Variants in LMAN2L observed in about 807,000 individuals in gnomAD.
LMAN2L encodes the protein lectin, mannose binding 2 like.
In LMAN2L, 30 loss-of-function variants were observed where a neutral mutation model predicts 44.3. That is an observed-to-expected ratio of 0.68 (90% CI 0.51 to 0.92). LMAN2L has a LOEUF of 0.92. Among genes scored for constraint, LMAN2L ranks in the 40% least tolerant of loss-of-function variants. The pLI is 0.00. For missense variants in LMAN2L, 429 were observed against 446.1 expected (o/e 0.96, Z 0.35); for synonymous variants, 183 against 171.1 (o/e 1.07, Z -0.54).
Position 96,734,487 on chromosome 2 carries a change from T to G in LMAN2L, c.346A>C (p.Lys116Gln). ...TTCTTCTTTCCTTGTCCATGGATTT[T>G]GAAGTGCACCTGCAACTCCCAGTCT... Reference protein sequence around the residue: ...LRDWELQVHFKIHGQGKKNLH... With the variant: ...LRDWELQVHFQIHGQGKKNLH... The change falls in exon 3 of 8, where the codon AAA becomes CAA. Residue 116 changes from lysine to glutamine, a missense_variant. Coordinates refer to ENST00000264963, the MANE Select transcript of LMAN2L (RefSeq NM_030805.4). The G allele has an allele frequency of 6.2e-7, 1 of 1,613,704 alleles. No individual in the cohort carries two copies. Among genetic ancestry groups the G allele is most frequent in the East Asian group, 2.2e-5 (1 of 44,878 alleles).
intron 2 of LMAN2L, chr2:96,737,149 T>C: frequency 2.2e-6 from 1 of 456,380 alleles, no homozygotes; most frequent in South Asian, 1.6e-5. Flanking sequence ...TTGTACAAAA[T>C]CACAGTGCAG....
At chr2:96,720,667 G>A (rs1410941987) in intron 4 of LMAN2L, among the ~76,000 whole-genome samples, 3 of 152,082 alleles carry the variant, frequency 2.0e-5, no homozygotes, top group Admixed American at 6.5e-5. Flanking sequence ...ACAGCCAGGC[G>A]CGGTGACTCA....
In LMAN2L at chr2:96,733,521, C is replaced by G. The variant is rs775556162; in HGVS notation, c.505G>C (p.Glu169Gln). 24 of 1,613,140 alleles carry G rather than the reference C, an allele frequency of 1.5e-5. No individual in the cohort carries two copies. Among genetic ancestry groups the G allele is most frequent in the Non-Finnish European group, 2.0e-5 (23 of 1,179,282 alleles). ...DTYPNEEKQQ[E>Q]RVFPYISAMV... is the part of the protein sequence containing the mutation. ...TAGGCTCTGACACTTGCCATTACCT[C>G]TTGCTGCTTCTCCTCATTGGGGTAG... Residue 169 changes from glutamate (E) to glutamine (Q), a missense_variant and splice_region_variant, in exon 4 of 8, where the codon GAG becomes CAG. Glu to Gln is a conservative substitution (Grantham distance 29, BLOSUM62 2). Transcript: ENST00000264963.
At chr2:96,725,968 C>A (rs1207183179) in intron 4 of LMAN2L, among the ~76,000 whole-genome samples, 2 of 151,598 alleles carry the variant, frequency 1.3e-5, no homozygotes, top group Non-Finnish European at 2.9e-5. Flanking sequence ...CCCATCTCTA[C>A]TAAAAATACA....
chr2:96,729,288 T>C (rs1574022560), intron 4 of LMAN2L, among the ~76,000 whole-genome samples: 1 of 152,024 alleles, frequency 6.6e-6, no homozygotes, highest in African/African-American at 2.4e-5. Flanking sequence ...TAGAACATCA[T>C]AGATAAAAGC....
At chr2:96,732,461 T>C (rs943578764) in intron 4 of LMAN2L, among the ~76,000 whole-genome samples, 1 of 151,650 alleles carries the variant, frequency 6.6e-6, no homozygotes, top group South Asian at 2.1e-4. Context: ...CTGACCAACA[T>C]GGTGAAACCC....
At chr2:96,716,486 TG>T (rs1027184973) in intron 4 of LMAN2L, among the ~76,000 whole-genome samples, 1 of 152,356 alleles carries the variant, frequency 6.6e-6, no homozygotes, top group African/African-American at 2.4e-5. Context: ...CATTTGCTTT[TG>T]GGAACCCAGA....
At chr2:96,732,545 G>A (rs913686294) in intron 4 of LMAN2L, among the ~76,000 whole-genome samples, 1 of 151,636 alleles carries the variant, frequency 6.6e-6, no homozygotes, top group Admixed American at 6.6e-5. Context: ...GCGGGAGGCT[G>A]AGGCAGAAGA....
At chr2:96,739,025 G>A (rs1175170653) in intron 1 of LMAN2L, among the ~76,000 whole-genome samples, 1 of 152,200 alleles carries the variant, frequency 6.6e-6, no homozygotes, top group African/African-American at 2.4e-5. Context: ...ACAGGCGTGA[G>A]CCACCGCCCC....
intron 4 of LMAN2L, among the ~76,000 whole-genome samples, chr2:96,730,508 C>T (rs2078369651): frequency 6.6e-6 from 1 of 152,102 alleles, no homozygotes; most frequent in Admixed American, 6.6e-5. Flanking sequence ...GCCAGTCAGT[C>T]TCAGCGGCTA....
chr2:96,707,521 C>G, intron 7 of LMAN2L, 123 bp from the exon 8 acceptor site: 2 of 1,278,782 alleles, frequency 1.6e-6, no homozygotes, highest in Non-Finnish European at 2.1e-6. Flanking sequence ...GAGCTTAGAC[C>G]CCCTCTTTCC....
chr2:96,722,899 A>C (rs1353801475), intron 4 of LMAN2L, among the ~76,000 whole-genome samples: 1 of 152,136 alleles, frequency 6.6e-6, no homozygotes, highest in Non-Finnish European at 1.5e-5. Context: ...AGGCGCCTGT[A>C]ATCCCAGCTG....
At chr2:96,707,462 C>T in intron 7 of LMAN2L, 64 bp from the exon 8 acceptor site, 1 of 1,526,170 alleles carries the variant, frequency 6.6e-7, no homozygotes, top group Non-Finnish European at 8.8e-7. Flanking sequence ...AAGGATCAAA[C>T]TATAGGCTGT....
At chr2:96,724,607 C>G (rs992961983) in intron 4 of LMAN2L, among the ~76,000 whole-genome samples, 1 of 152,000 alleles carries the variant, frequency 6.6e-6, no homozygotes, top group African/African-American at 2.4e-5. Flanking sequence ...CTGAGCAAAC[C>G]TCCACCTCAG....
At chr2:96,717,350 G>A (rs2078059887) in intron 4 of LMAN2L, among the ~76,000 whole-genome samples, 1 of 151,716 alleles carries the variant, frequency 6.6e-6, no homozygotes, top group African/African-American at 2.4e-5. Context: ...GACCAACCTG[G>A]GCAACATGGC....
At chr2:96,707,605 A>C in intron 7 of LMAN2L, 109 bp downstream of exon 7, 1 of 1,382,986 alleles carries the variant, frequency 7.2e-7, no homozygotes, top group Non-Finnish European at 9.9e-7. Flanking sequence ...AGTGCTCCCT[A>C]CCCTTCAGAA....
At chr2:96,712,113 G>C in intron 4 of LMAN2L, 88 bp from the exon 5 acceptor site, 1 of 1,364,300 alleles carries the variant, frequency 7.3e-7, no homozygotes, top group African/African-American at 1.4e-5. Context: ...GCACATACAA[G>C]TTGAGCCCCT....
intron 4 of LMAN2L, among the ~76,000 whole-genome samples, chr2:96,724,980 G>A (rs1025255582): frequency 2.6e-5 from 4 of 151,924 alleles, no homozygotes; most frequent in South Asian, 2.1e-4. Flanking sequence ...TACAGGCGCC[G>A]CCACCATGCC....
chr2:96,712,339 T>C (rs2153322025), intron 4 of LMAN2L, among the ~76,000 whole-genome samples: 1 of 152,354 alleles, frequency 6.6e-6, no homozygotes, highest in South Asian at 2.1e-4. Flanking sequence ...TTGGCACTTA[T>C]GTGCCGCCTA....
Sources: allele counts gnomAD v4.1 joint callset (sites outside exome capture counted in the v4.1 genomes callset), GRCh38; gene constraint gnomAD v4.1.1; transcripts MANE v1.5; gene names NCBI Gene and HGNC (gene_info 2026-07-23, HGNC 2026-07-21).